The following PIGN variants were observed in gnomAD, a reference collection of about 807,000 sequenced individuals.
PIGN encodes the protein GPI ethanolamine phosphate transferase 1.
PIGN carries 117 observed loss-of-function variants against 125.4 expected under a neutral mutation model. The observed-to-expected ratio is 0.93, with a 90% CI of 0.80 to 1.09. The LOEUF (loss-of-function observed/expected upper bound fraction) is 1.09. Among genes scored for constraint, PIGN ranks in the 50% least tolerant of loss-of-function variants. The pLI is 0.00. For synonymous variants in PIGN, 392 were observed against 377.8 expected (o/e 1.04, Z -0.44); for missense variants, 1,075 against 1,094.9 (o/e 0.98, Z 0.26).
At chr18:62,075,180 T>G (rs547747582) in intron 28 of PIGN, 3 of 187,002 alleles carry the variant, frequency 1.6e-5, no homozygotes, top group Non-Finnish European at 3.3e-5. Flanking sequence ...GGGAAGATCT[T>G]GTAAAACCAT....
At chr18:62,049,772 T>C (rs1392515737) in intron 30 of PIGN, among the ~76,000 whole-genome samples, 3 of 151,890 alleles carry the variant, frequency 2.0e-5, no homozygotes, top group East Asian at 1.9e-4. Context: ...GAAGTCCTTG[T>C]CCATGCCTAT....
chr18:62,112,236 T>C (rs1241790492), intron 16 of PIGN, among the ~76,000 whole-genome samples: 1 of 152,180 alleles, frequency 6.6e-6, no homozygotes, highest in Non-Finnish European at 1.5e-5. Context: ...CATTAAAGCA[T>C]TATACAAAAT....
At chr18:62,168,281 GCTTT>G (rs1350925381) in intron 1 of PIGN, among the ~76,000 whole-genome samples, 3 of 152,006 alleles carry the variant, frequency 2.0e-5, no homozygotes, top group Non-Finnish European at 2.9e-5. Flanking sequence ...AAGTAACCAT[GCTTT>G]CTTTATTACA....
chr18:62,098,520 G>C (rs1475275945), intron 22 of PIGN, among the ~76,000 whole-genome samples: 1 of 152,112 alleles, frequency 6.6e-6, no homozygotes, highest in African/African-American at 2.4e-5. Context: ...TTTTACTTTT[G>C]TCTAAATGAT....
chr18:62,155,131 A>G (rs1599648358), intron 6 of PIGN, among the ~76,000 whole-genome samples: 1 of 152,164 alleles, frequency 6.6e-6, no homozygotes, highest in South Asian at 2.1e-4. Context: ...ATTTTTCTCA[A>G]CTTCTAAGAG....
At chr18:62,121,602 G>A (rs938148922) in intron 14 of PIGN, among the ~76,000 whole-genome samples, 1 of 151,922 alleles carries the variant, frequency 6.6e-6, no homozygotes, top group Non-Finnish European at 1.5e-5. Context: ...TCCCACATAT[G>A]AGTGAGAACA....
downstream of PIGN, among the ~76,000 whole-genome samples, chr18:62,036,899 C>T (rs2030269028): frequency 6.6e-6 from 1 of 152,182 alleles, no homozygotes; most frequent in Non-Finnish European, 1.5e-5. Context: ...AGAGGAAGCA[C>T]TCAGTAAATA....
At chr18:62,038,010 A>G (rs2030282727), downstream of PIGN, among the ~76,000 whole-genome samples, 1 of 152,328 alleles carries the variant, frequency 6.6e-6, no homozygotes, top group Admixed American at 6.5e-5. Flanking sequence ...AACATGTAAG[A>G]GTTCTTTGCA....
chr18:62,030,430 C>A (rs553830826), intron 23 of PIGN, among the ~76,000 whole-genome samples: 1 of 152,170 alleles, frequency 6.6e-6, no homozygotes, highest in Non-Finnish European at 1.5e-5. Context: ...AAAGGACAAC[C>A]GGGTTTATCA....
intron 23 of PIGN, among the ~76,000 whole-genome samples, chr18:62,027,817 G>C (rs1421569163): frequency 6.6e-6 from 1 of 152,098 alleles, no homozygotes; most frequent in Non-Finnish European, 1.5e-5. Flanking sequence ...TGAGGTGGGA[G>C]GATTGCTTGA....
In PIGN at chr18:62,123,638, A is replaced by G. The variant is rs192656604; in HGVS notation, c.1173-8999T>C. 1.0e-3 allele frequency: 152 copies of G among 152,304 alleles called. 1 individual carries two copies. The highest frequency in any genetic ancestry group is 3.5e-3 in the African/African-American group (147 of 41,582). The allele number at this position is 152,304 out of a possible 1,614,324, so 9.4% of individuals were successfully genotyped here. On this transcript the variant is annotated intron_variant, in intron 14 of 30. Coordinates refer to ENST00000640252, the MANE Select transcript of PIGN (RefSeq NM_176787.5). ...CCAATTCATTTCACCTTTTGAATTA[A>G]GATAATAAGAGTCTGATACCAAGTT...
At chr18:62,040,753 G>A (rs1410856841), downstream of PIGN, among the ~76,000 whole-genome samples, 2 of 152,158 alleles carry the variant, frequency 1.3e-5, no homozygotes, top group African/African-American at 4.8e-5. Flanking sequence ...TTAAAATGTT[G>A]ACAGACGATT....
At chr18:62,118,065 T>C (rs528587118) in intron 14 of PIGN, among the ~76,000 whole-genome samples, 6 of 152,098 alleles carry the variant, frequency 3.9e-5, no homozygotes, top group Non-Finnish European at 8.8e-5. Context: ...ATCTCTTCAA[T>C]ATATTGATTT....
intron 12 of PIGN, among the ~76,000 whole-genome samples, chr18:62,139,467 T>G (rs971247750): frequency 9.9e-5 from 15 of 152,238 alleles, no homozygotes; most frequent in African/African-American, 3.6e-4. Context: ...ACTATTCTGT[T>G]AAACTTTTGT....
chr18:62,018,602 C>A (rs140932564), intron 23 of PIGN, among the ~76,000 whole-genome samples: 1 of 152,120 alleles, frequency 6.6e-6, no homozygotes, highest in African/African-American at 2.4e-5. Flanking sequence ...GGGCTCTGAG[C>A]TGAGCACATG....
intron 2 of PIGN, 179 bp from the exon 3 acceptor site, chr18:62,162,508 A>G (rs979923146): frequency 1.3e-5 from 2 of 152,152 alleles, no homozygotes; most frequent in African/African-American, 4.8e-5. Flanking sequence ...GGATGGCAAA[A>G]TAACCTTGCA....
At chr18:62,024,940 C>T (rs1250384947) in intron 23 of PIGN, among the ~76,000 whole-genome samples, 2 of 152,150 alleles carry the variant, frequency 1.3e-5, no homozygotes, top group Non-Finnish European at 2.9e-5. Flanking sequence ...TCAAAGAGGC[C>T]ATTGAAACAT....
At chr18:62,018,619 T>A (rs898186621) in intron 23 of PIGN, among the ~76,000 whole-genome samples, 1 of 152,156 alleles carries the variant, frequency 6.6e-6, no homozygotes, top group Non-Finnish European at 1.5e-5. Flanking sequence ...CATGGTTTGT[T>A]ACATCATTTG....
rs370681837 is a variant in PIGN, at chr18:62,063,690, T to C, written c.2672+8983A>G. On this transcript the variant is annotated intron_variant, in intron 30 of 30. Transcript: ENST00000640252. ...AGGGGACTTACAGGTCTGGGAAGAC[T>C]ACTTTAGACAGACATATGAAAATGT... Among the ~76,000 whole-genome samples, 5 of 149,488 alleles carry C rather than the reference T, an allele frequency of 3.3e-5. No individual in the cohort carries two copies. The East Asian group carries it at 8.4e-4, about 25-fold the overall frequency.
Sources: allele counts gnomAD v4.1 joint callset (sites outside exome capture counted in the v4.1 genomes callset), GRCh38; gene constraint gnomAD v4.1.1; transcripts MANE v1.5; gene names NCBI Gene and HGNC (gene_info 2026-07-23, HGNC 2026-07-21).